The following EXOC4 variants were observed in gnomAD, a reference collection of about 807,000 sequenced individuals.
EXOC4 encodes exocyst complex component 4.
A neutral mutation model predicts 107.2 loss-of-function variants in EXOC4; 71 were observed. The observed-to-expected ratio is 0.66, with a 90% CI of 0.55 to 0.81. EXOC4 has a LOEUF of 0.81. Among genes scored for constraint, EXOC4 ranks in the 30% least tolerant of loss-of-function variants. The probability of loss-of-function intolerance (pLI) is 0.00; values close to 1 mark genes in which losing one functional copy is unlikely to be tolerated. For missense variants in EXOC4, 1,108 were observed against 1,189.6 expected (o/e 0.93, Z 1.01); for synonymous variants, 456 against 441.2 (o/e 1.03, Z -0.42).
rs1003619619 is a variant in EXOC4, at chr7:133,374,775, A to G, written c.1008-53A>G. The G allele has an allele frequency of 3.4e-6, 5 of 1,479,670 alleles. No individual in the cohort carries two copies. In the African/African-American group the frequency reaches 6.9e-5, roughly 21 times the overall value. 91.7% of individuals were successfully genotyped at this position (1,479,670 alleles called of 1,614,324 possible). On this transcript the variant is annotated intron_variant, in intron 6 of 17. Transcript: ENST00000253861. ...TTTTTCTTGCAGGTCACTGTAAGCC[A>G]TTTATCTGCGTGTACGTATGTGTAA...
chr7:133,521,703 T>C (rs1799982672), intron 9 of EXOC4, among the ~76,000 whole-genome samples: 3 of 151,672 alleles, frequency 2.0e-5, no homozygotes, highest in Admixed American at 2.0e-4. Flanking sequence ...CACTGCAACC[T>C]CTGCCTCCTG....
At chr7:133,488,136 T>C (rs955533259) in intron 9 of EXOC4, among the ~76,000 whole-genome samples, 7 of 152,206 alleles carry the variant, frequency 4.6e-5, no homozygotes, top group African/African-American at 1.4e-4. Flanking sequence ...CTTTTAGGAA[T>C]ACTAATAGTA....
At chr7:133,824,412 C>T (rs1237238178) in intron 11 of EXOC4, among the ~76,000 whole-genome samples, 2 of 152,112 alleles carry the variant, frequency 1.3e-5, no homozygotes, top group African/African-American at 4.8e-5. Context: ...TCTACTCTAG[C>T]ACCCAGCTGG....
At chr7:133,301,039 C>T (rs1432465456) in intron 3 of EXOC4, among the ~76,000 whole-genome samples, 1 of 152,226 alleles carries the variant, frequency 6.6e-6, no homozygotes, top group Non-Finnish European at 1.5e-5. Context: ...AATATCTTCG[C>T]TGCTTGCTTA....
At chr7:133,659,117 A>T (rs921407500) in intron 10 of EXOC4, among the ~76,000 whole-genome samples, 2 of 147,620 alleles carry the variant, frequency 1.4e-5, no homozygotes, top group South Asian at 4.2e-4. Flanking sequence ...CCCTCAAAGC[A>T]TTAGTCATTG....
intron 12 of EXOC4, among the ~76,000 whole-genome samples, chr7:133,908,917 C>T (rs910493391): frequency 2.0e-5 from 3 of 152,032 alleles, no homozygotes; most frequent in Non-Finnish European, 2.9e-5. Context: ...ATACACGGGC[C>T]GTGGTGGTGT....
At chr7:133,403,118 C>T (rs1035210820) in intron 7 of EXOC4, among the ~76,000 whole-genome samples, 3 of 147,876 alleles carry the variant, frequency 2.0e-5, no homozygotes, top group East Asian at 4.2e-4. Flanking sequence ...CTCCTGACCT[C>T]GTGATCCACC....
chr7:133,703,090 CT>C (rs550049462), intron 10 of EXOC4, among the ~76,000 whole-genome samples: 19 of 152,048 alleles, frequency 1.2e-4, no homozygotes, highest in African/African-American at 4.1e-4. Flanking sequence ...GGAGATCAGA[CT>C]TTTTTTTCTC....
intron 2 of EXOC4, among the ~76,000 whole-genome samples, chr7:133,276,799 A>G (rs1276600218): frequency 1.3e-5 from 2 of 152,198 alleles, no homozygotes; most frequent in Non-Finnish European, 2.9e-5. Flanking sequence ...TTTTCTGTCC[A>G]TTAGACTTAT....
intron 9 of EXOC4, among the ~76,000 whole-genome samples, chr7:133,507,623 C>T (rs550415507): frequency 6.6e-6 from 1 of 152,260 alleles, no homozygotes; most frequent in Admixed American, 6.5e-5. Context: ...CATATATTTC[C>T]TGTAGAAGGA....
intron 11 of EXOC4, among the ~76,000 whole-genome samples, chr7:133,828,758 TAATAA>T (rs1797751654): frequency 6.6e-6 from 1 of 152,212 alleles, no homozygotes; most frequent in African/African-American, 2.4e-5. Context: ...ATTGAAATTT[TAATAA>T]AATGAAATGA....
chr7:134,083,414 C>G, the EXOC4 span, among the ~76,000 whole-genome samples: 1 of 152,330 alleles, frequency 6.6e-6, no homozygotes, highest in South Asian at 2.1e-4. Flanking sequence ...TAATCCAAGA[C>G]TTAGTAGCTT....
chr7:134,012,351 G>A (rs926449207), intron 17 of EXOC4, among the ~76,000 whole-genome samples: 7 of 152,198 alleles, frequency 4.6e-5, no homozygotes, highest in Non-Finnish European at 4.4e-5. Flanking sequence ...CAAGATGGTA[G>A]CATTGGAGAG....
intron 10 of EXOC4, among the ~76,000 whole-genome samples, chr7:133,680,344 A>G (rs1404984110): frequency 1.3e-5 from 2 of 152,172 alleles, no homozygotes; most frequent in African/African-American, 2.4e-5. Flanking sequence ...TATAGTTAAC[A>G]CTTAAAAATA....
chr7:133,856,546 T>G (rs1215081721), intron 11 of EXOC4, among the ~76,000 whole-genome samples: 8 of 151,976 alleles, frequency 5.3e-5, no homozygotes, highest in Non-Finnish European at 7.3e-5. Context: ...ATCCAACATG[T>G]AGTAGAGAGA....
intron 14 of EXOC4, among the ~76,000 whole-genome samples, chr7:133,985,205 G>A (rs1321645605): frequency 4.6e-5 from 7 of 152,182 alleles, no homozygotes; most frequent in African/African-American, 1.7e-4. Flanking sequence ...GGGGGAAGGT[G>A]TAACACATGA....
chr7:134,080,900 C>G, the EXOC4 span, among the ~76,000 whole-genome samples: 1 of 151,988 alleles, frequency 6.6e-6, no homozygotes, highest in Non-Finnish European at 1.5e-5. Context: ...GAGCTATGAT[C>G]GTGCTACTGC....
At chr7:133,620,032 G>C (rs948220379) in intron 9 of EXOC4, among the ~76,000 whole-genome samples, 1 of 151,174 alleles carries the variant, frequency 6.6e-6, no homozygotes, top group African/African-American at 2.4e-5. Context: ...GTTGTTGTTA[G>C]TTTGTTTTGA....
At chr7:134,068,534 T>G (rs552653640), downstream of EXOC4, among the ~76,000 whole-genome samples, 69 of 152,216 alleles carry the variant, frequency 4.5e-4, 1 homozygote, top group Non-Finnish European at 8.8e-5. Flanking sequence ...TTTTTCATTA[T>G]AAATTACCCA....
Sources: allele counts gnomAD v4.1 joint callset (sites outside exome capture counted in the v4.1 genomes callset), GRCh38; gene constraint gnomAD v4.1.1; transcripts MANE v1.5; gene names NCBI Gene and HGNC (gene_info 2026-07-23, HGNC 2026-07-21).